PRDM15: variants seen among roughly 807,000 people sequenced by gnomAD.
The protein encoded by PRDM15 is PR/SET domain 15.
PRDM15 carries 64 observed loss-of-function variants against 128.6 expected under a neutral mutation model. That is an observed-to-expected ratio of 0.50 (90% CI 0.41 to 0.61). The LOEUF is 0.61. PRDM15 is among the 20% of genes least tolerant of loss of function. PRDM15 has a pLI of 0.00. For synonymous variants in PRDM15, 615 were observed against 621.8 expected (o/e 0.99, Z 0.16); for missense variants, 1,242 against 1,569.1 (o/e 0.79, Z 3.52).
At chr21:41,830,948 G>A (rs984228827) in intron 11 of PRDM15, among the ~76,000 whole-genome samples, 9 of 151,836 alleles carry the variant, frequency 5.9e-5, no homozygotes, top group South Asian at 2.1e-4. Context: ...AGGTCCCCTC[G>A]CCCTGCCCCC....
chr21:41,828,086 G>T lies in PRDM15; in HGVS notation c.1534+80C>A. 3 of 1,504,964 alleles carry T rather than the reference G, an allele frequency of 2.0e-6. No homozygotes were observed. The highest frequency in any genetic ancestry group is 2.3e-5 in the East Asian group (1 of 44,122). 93.2% of individuals were successfully genotyped at this position (1,504,964 alleles called of 1,614,324 possible). A position where few individuals can be genotyped will look rare whatever the true frequency, so the allele number is the denominator to read the frequency against. ...CACCGAACTGCTCCCCAAAGGCCCTGCTGACTGCTCCATGCCGCCCTGCCC... is the reference window on the plus strand; with the variant it reads ...CACCGAACTGCTCCCCAAAGGCCCTTCTGACTGCTCCATGCCGCCCTGCCC... On this transcript the variant is annotated intron_variant, in intron 12 of 23. Transcript: ENST00000398548. This position sits in a 1 kb window ranked among gnomAD's most constrained non-coding sequence, Gnocchi z 5.7.
At position 41,879,004 on chromosome 21, in the gene PRDM15, CG is replaced by C; in HGVS notation, c.-10+265del. On this transcript the variant is annotated intron_variant, in intron 1 of 23. Coordinates refer to ENST00000398548, the MANE Select transcript of PRDM15 (RefSeq NM_001040424.3). This position sits in a 1 kb window ranked among gnomAD's most constrained non-coding sequence, Gnocchi z 5.1. ...GCCCGCGGCGGCGGGACCCGGCGGG[CG>C]GGCGGCGCGCAGGGCGATCCCGGAG... 9.9e-7 allele frequency: 1 copy of C among 1,011,592 alleles called. No homozygotes were observed. Among genetic ancestry groups the C allele is most frequent in the Non-Finnish European group, 1.2e-6 (1 of 838,864 alleles). 62.7% of individuals were successfully genotyped at this position (1,011,592 alleles called of 1,614,324 possible).
intron 21 of PRDM15, among the ~76,000 whole-genome samples, chr21:41,809,061 C>T (rs765532362): frequency 9.9e-5 from 15 of 152,196 alleles, no homozygotes; most frequent in Admixed American, 1.3e-4. Flanking sequence ...CTGGGATGCG[C>T]GGTGAGCTGA....
chr21:41,872,469 T>C (rs1328985667), intron 1 of PRDM15, among the ~76,000 whole-genome samples: 14 of 152,264 alleles, frequency 9.2e-5, no homozygotes, highest in Non-Finnish European at 2.9e-5. Flanking sequence ...AAAGAAATAA[T>C]GAACTTAAAC....
intron 6 of PRDM15, among the ~76,000 whole-genome samples, chr21:41,843,962 A>G (rs1043152998): frequency 6.6e-6 from 1 of 151,818 alleles, no homozygotes; most frequent in Non-Finnish European, 1.5e-5. Context: ...AAAAAAAAAA[A>G]AAAAAAAAAG....
At chr21:41,850,905 C>T (rs1041210245) in intron 5 of PRDM15, among the ~76,000 whole-genome samples, 11 of 152,178 alleles carry the variant, frequency 7.2e-5, no homozygotes, top group South Asian at 4.1e-4. Flanking sequence ...GATTTCTACA[C>T]GAAGATGCAT....
At chr21:41,866,325 A>C (rs190301197) in intron 1 of PRDM15, among the ~76,000 whole-genome samples, 1 of 152,256 alleles carries the variant, frequency 6.6e-6, no homozygotes. Context: ...AAGGGATTTT[A>C]AACTTTTATA....
chr21:41,839,760 C>T lies in PRDM15; in HGVS notation c.734G>A (p.Arg245Gln), dbSNP rs201057462. 39 of 1,614,258 alleles carry T rather than the reference C, an allele frequency of 2.4e-5. No individual in the cohort carries two copies. In the East Asian group the frequency reaches 3.1e-4, roughly 13 times the overall value. Reference protein sequence around the residue: ...AAPEKEQDTPRGEPPAVPESE... With the variant: ...AAPEKEQDTPQGEPPAVPESE... ...CTCGGGCACTGCAGGGGGTTCCCCC[C>T]GGGGTGTGTCCTGCTCCTTCTCGGG... The change falls in exon 7 of 24, where the codon CGG becomes CAG. Residue 245 changes from arginine (R) to glutamine (Q), a missense_variant. Arg to Gln is a conservative substitution (Grantham distance 43). Transcript: ENST00000398548.
chr21:41,834,623 C>G, intron 11 of PRDM15: 1 of 1,403,858 alleles, frequency 7.1e-7, no homozygotes, highest in Non-Finnish European at 9.8e-7. Flanking sequence ...CCGCTGGGGA[C>G]CCCCACTGCT....
Position 41,862,017 on chromosome 21 carries a change from G to C in PRDM15, c.-9-1645C>G. 6.2e-7 allele frequency: 1 copy of C among 1,606,096 alleles called. No individual in the cohort carries two copies. The highest frequency in any genetic ancestry group is 1.1e-5 in the South Asian group (1 of 89,986). On this transcript the variant is annotated intron_variant, in intron 1 of 23. Coordinates refer to ENST00000398548, the MANE Select transcript of PRDM15 (RefSeq NM_001040424.3). This position sits in a 1 kb window ranked among gnomAD's most constrained non-coding sequence, Gnocchi z 4.1. The stretch of plus-strand genomic sequence containing the variant: ...TTGCCTGCCCCAGTTCCTGTGGATG[G>C]GCACCTCGGCGCAAATAGGGACCAG...
chr21:41,827,168 TA>T lies in PRDM15; in HGVS notation c.1534+997del, dbSNP rs1282196591. On this transcript the variant is annotated intron_variant, in intron 12 of 23. Transcript: ENST00000398548. ...AGTCCAGGTTTGATTCGAGAGGCCC[TA>T]AGTATACCACCCAAGGAACCACAAA... 2.0e-5 allele frequency among the ~76,000 whole-genome samples: 3 copies of T among 152,154 alleles called. No homozygotes were observed. The East Asian group carries it at 5.8e-4, about 29-fold the overall frequency.
rs1187199538 is a variant in PRDM15 at position 41,862,130 on chromosome 21, C to T, written c.-9-1758G>A. Reference sequence around the variant, plus strand: ...CCCAGAGTGGGGTGGGGAGGGCGCACGCTTTCATGAGTTGCTGCTGTGCTA... The same window carrying T: ...CCCAGAGTGGGGTGGGGAGGGCGCATGCTTTCATGAGTTGCTGCTGTGCTA... On this transcript the variant is annotated intron_variant, in intron 1 of 23. Coordinates refer to ENST00000398548, the MANE Select transcript of PRDM15 (RefSeq NM_001040424.3). The surrounding 1 kb of genome is among the most constrained non-coding windows in gnomAD (Gnocchi z 4.1). 10 of 711,758 alleles carry T rather than the reference C, an allele frequency of 1.4e-5. No individual in the cohort carries two copies. Among genetic ancestry groups the T allele is most frequent in the East Asian group, 2.7e-5 (1 of 36,876 alleles). The allele number at this position is 711,758 out of a possible 1,614,324, so 44.1% of individuals were successfully genotyped here.
At chr21:41,804,242 G>A (rs929243832) in intron 22 of PRDM15, among the ~76,000 whole-genome samples, 2 of 152,212 alleles carry the variant, frequency 1.3e-5, no homozygotes, top group African/African-American at 4.8e-5. Context: ...GGGATTACAG[G>A]CGTGAGCCAC....
chr21:41,849,179 C>T (rs569622418), intron 5 of PRDM15, among the ~76,000 whole-genome samples: 31 of 152,368 alleles, frequency 2.0e-4, no homozygotes, highest in African/African-American at 6.3e-4. Context: ...CCAGTGGGCG[C>T]GGCTGACTGC....
chr21:41,854,920 GC>G lies in PRDM15; in HGVS notation c.286-103del. On this transcript the variant is annotated intron_variant, in intron 4 of 23. Coordinates refer to ENST00000398548, the MANE Select transcript of PRDM15 (RefSeq NM_001040424.3). The surrounding 1 kb of genome is among the most constrained non-coding windows in gnomAD (Gnocchi z 4.6). ...GTGCTGAGGAACCCATCTAGACAGTGCCACGTCAGAGGCCATAAGGGCTCCT... is the reference window on the plus strand; with the variant it reads ...GTGCTGAGGAACCCATCTAGACAGTGCACGTCAGAGGCCATAAGGGCTCCT... 7.4e-7 allele frequency: 1 copy of G among 1,348,084 alleles called. No homozygotes were observed. The highest frequency in any genetic ancestry group is 1.4e-5 in the South Asian group (1 of 70,202). 83.5% of individuals were successfully genotyped at this position (1,348,084 alleles called of 1,614,324 possible). A position where few individuals can be genotyped will look rare whatever the true frequency, so the allele number is the denominator to read the frequency against.
chr21:41,866,501 C>T (rs956945906), intron 1 of PRDM15, among the ~76,000 whole-genome samples: 27 of 152,176 alleles, frequency 1.8e-4, no homozygotes, highest in African/African-American at 9.7e-5. Flanking sequence ...TTGGCCAGGC[C>T]GCTGCCTTCC....
At chr21:41,839,979 G>C (rs1375040155) in intron 6 of PRDM15, 126 bp from the exon 7 acceptor site, 1 of 712,390 alleles carries the variant, frequency 1.4e-6, no homozygotes, top group Non-Finnish European at 2.4e-6. Flanking sequence ...ATAGGCAAGT[G>C]AACTTTATTT....
intron 13 of PRDM15, among the ~76,000 whole-genome samples, chr21:41,824,582 G>A (rs529074581): frequency 2.2e-4 from 33 of 152,336 alleles, no homozygotes; most frequent in African/African-American, 7.7e-4. Flanking sequence ...ACTTGGAGCC[G>A]GTACCCCCCA....
chr21:41,846,556 G>C (rs1047205666), intron 6 of PRDM15, among the ~76,000 whole-genome samples: 1 of 152,228 alleles, frequency 6.6e-6, no homozygotes, highest in Non-Finnish European at 1.5e-5. Flanking sequence ...AGTTTGCTGG[G>C]CGTGGTGGCA....
Sources: gnomAD v4.1 joint callset for allele counts (sites outside exome capture counted in the v4.1 genomes callset) on GRCh38, gnomAD v4.1.1 for gene constraint, Gnocchi (gnomAD v3.1) non-coding constraint, MANE v1.5 for transcripts, NCBI Gene and HGNC (gene_info 2026-07-23, HGNC 2026-07-21) for gene names.